Variants in KLKB1 observed in about 807,000 individuals in gnomAD.
KLKB1 encodes kallikrein B1.
KLKB1 carries 58 observed loss-of-function variants against 73.6 expected under a neutral mutation model. That is an observed-to-expected ratio of 0.79 (90% CI 0.64 to 0.98). The LOEUF (loss-of-function observed/expected upper bound fraction) is 0.98. KLKB1 is among the 50% of genes least tolerant of loss of function. The pLI, the probability that KLKB1 is intolerant of heterozygous loss-of-function variation, is 0.00. For missense variants in KLKB1, 737 were observed against 763.8 expected, an observed-to-expected ratio of 0.96 and a Z score of 0.41; for synonymous variants, 280 against 258.1, an observed-to-expected ratio of 1.08 and a Z score of -0.81.
intron 14 of KLKB1, among the ~76,000 whole-genome samples, chr4:186,257,777 G>A (rs953474000): frequency 6.7e-6 from 1 of 148,150 alleles, no homozygotes; most frequent in Non-Finnish European, 1.5e-5. Flanking sequence ...GTGTGTGTGT[G>A]TGTCTGGCAA....
chr4:186,238,201 G>C lies in KLKB1; in HGVS notation c.489-55G>C, dbSNP rs1010382729. 8.1e-6 allele frequency: 9 copies of C among 1,108,630 alleles called. No individual in the cohort carries two copies. In the African/African-American group the frequency reaches 1.2e-4, roughly 15 times the overall value. 68.7% of individuals were successfully genotyped at this position (1,108,630 alleles called of 1,614,324 possible). A position where few individuals can be genotyped will look rare whatever the true frequency, so the allele number is the denominator to read the frequency against. On this transcript the variant is annotated intron_variant, in intron 5 of 14. Coordinates refer to ENST00000264690, the MANE Select transcript of KLKB1 (RefSeq NM_000892.5). ...TTTAATACTAACTGTTACCTGCACT[G>C]CTCCCTGCCCCTCAAAGTGCAGAAA... is the stretch of plus-strand genomic sequence containing the variant.
intron 2 of KLKB1, among the ~76,000 whole-genome samples, chr4:186,229,761 G>C (rs1349753574): frequency 6.6e-6 from 1 of 152,154 alleles, no homozygotes; most frequent in East Asian, 1.9e-4. Context: ...TCTGGAAACA[G>C]TGTCCTAATT....
chr4:186,245,226 A>T (rs1416982439), intron 6 of KLKB1, among the ~76,000 whole-genome samples: 1 of 152,196 alleles, frequency 6.6e-6, no homozygotes, highest in Non-Finnish European at 1.5e-5. Context: ...AGGCAAGGGA[A>T]ACAGGCCCTT....
Position 186,252,168 on chromosome 4 carries a change from T to G in KLKB1, c.1296T>G (p.Ala432=), listed in dbSNP as rs148974369. The change falls in exon 11 of 15, where the codon GCT becomes GCG. Residue 432 remains alanine, a synonymous_variant. Transcript: ENST00000264690. Reference sequence around the variant, plus strand: ...TAGGACACCAGTGGGTCCTCACTGCTGCCCACTGCTTTGATGGGTAAGTGT... The same window carrying G: ...TAGGACACCAGTGGGTCCTCACTGCGGCCCACTGCTTTGATGGGTAAGTGT... The part of the protein sequence containing the change: ...SLIGHQWVLT[A]AHCFDGLPLQ... 1.2e-6 allele frequency: 2 copies of G among 1,613,846 alleles called. No individual in the cohort carries two copies. Among genetic ancestry groups the G allele is most frequent in the Non-Finnish European group, 1.7e-6 (2 of 1,180,008 alleles).
chr4:186,245,286 G>A (rs1738269188), intron 6 of KLKB1, among the ~76,000 whole-genome samples: 1 of 152,168 alleles, frequency 6.6e-6, no homozygotes, highest in East Asian at 1.9e-4. Context: ...TTAAGAAGGG[G>A]ATGGATTTAC....
intron 6 of KLKB1, among the ~76,000 whole-genome samples, chr4:186,242,130 T>C (rs538510349): frequency 1.4e-4 from 20 of 146,688 alleles, no homozygotes; most frequent in African/African-American, 5.0e-4. Context: ...TCAAAGGGGG[T>C]TGTTCTCTGG....
At chr4:186,217,997 CATGCTGCCTCTGTAGCAACTTCT>C (rs1359386672) in intron 2 of KLKB1, among the ~76,000 whole-genome samples, 1 of 152,160 alleles carries the variant, frequency 6.6e-6, no homozygotes, top group Non-Finnish European at 1.5e-5. Context: ...CTTTTGAGGC[CATGCTGCCTCTGTAGCAACTTCT>C]TAACTCTGCC....
intron 6 of KLKB1, among the ~76,000 whole-genome samples, chr4:186,239,902 TGTTATA>T (rs11279797): frequency 0.021 from 3,042 of 146,926 alleles, 188 homozygotes; most frequent in African/African-American, 0.074. Context: ...ACGGTGATAC[TGTTATA>T]GTTATAGGTA....
At chr4:186,225,518 G>A (rs549264744), upstream of KLKB1, among the ~76,000 whole-genome samples, 7 of 150,172 alleles carry the variant, frequency 4.7e-5, no homozygotes, top group Admixed American at 1.3e-4. Flanking sequence ...TGCAAGCTCC[G>A]TCTCCTGGGT....
intron 11 of KLKB1, 73 bp from the exon 12 acceptor site, chr4:186,254,515 G>A: frequency 4.9e-6 from 6 of 1,216,960 alleles, no homozygotes; most frequent in South Asian, 1.2e-5. Flanking sequence ...TTGAAAGAGA[G>A]TGATAGGAAA....
rs4253371 is a variant in KLKB1, at chr4:186,249,839, C to T, written c.599-404C>T. 1.8e-3 allele frequency among the ~76,000 whole-genome samples: 271 copies of T among 152,224 alleles called. 1 individual carries two copies. The highest frequency in any genetic ancestry group is 6.3e-3 in the African/African-American group (263 of 41,536). On this transcript the variant is annotated intron_variant, in intron 6 of 14. Coordinates refer to ENST00000264690, the MANE Select transcript of KLKB1 (RefSeq NM_000892.5). ...TCTCCTGTTCTAATTTTAATAGGCA[C>T]AAGGCATTTTTGTTAATCACTTCTT...
chr4:186,232,909 G>A (rs550146686), intron 3 of KLKB1, among the ~76,000 whole-genome samples: 1 of 152,226 alleles, frequency 6.6e-6, no homozygotes, highest in East Asian at 1.9e-4. Flanking sequence ...TGGAAAAATA[G>A]TACTTACGAT....
rs372443824 is a variant in KLKB1, at chr4:186,239,648, G to A, written c.598+1283G>A. ...TGATACTGTTAGAGTTATAGGTACA[G>A]TGATATAGGACAGTGATACTGTTAT... On this transcript the variant is annotated intron_variant, in intron 6 of 14. Coordinates refer to ENST00000264690, the MANE Select transcript of KLKB1 (RefSeq NM_000892.5). Among the ~76,000 whole-genome samples, 81 of 140,198 alleles carry A rather than the reference G, an allele frequency of 5.8e-4. 9 individuals are homozygous for A. The South Asian group carries it at 0.015, about 27-fold the overall frequency. 92.0% of individuals were successfully genotyped at this position (140,198 alleles called of 152,430 possible).
intron 5 of KLKB1, 96 bp from the exon 6 acceptor site, chr4:186,238,160 T>A: frequency 2.5e-6 from 2 of 814,048 alleles, no homozygotes. Flanking sequence ...AGGGTCATTG[T>A]TTTTCCACTG....
At chr4:186,245,289 G>A (rs1738269604) in intron 6 of KLKB1, among the ~76,000 whole-genome samples, 1 of 152,144 alleles carries the variant, frequency 6.6e-6, no homozygotes. Flanking sequence ...AGAAGGGGAT[G>A]GATTTACCCT....
intron 2 of KLKB1, among the ~76,000 whole-genome samples, chr4:186,216,091 T>C (rs1187708706): frequency 1.3e-5 from 2 of 152,236 alleles, no homozygotes; most frequent in Non-Finnish European, 2.9e-5. Flanking sequence ...AACAATCATT[T>C]TCAGTGTCAT....
rs751071483 is a variant in KLKB1 at position 186,232,285 on chromosome 4, A to C, written c.217A>C (p.Lys73Gln). ...LPASSINDME[K>Q]RFGCFLKDSV... ...AGCAAGTTCAATCAATGACATGGAGAAAAGGTAAAAGTTGGTATTTCATTA... is the reference window on the plus strand; with the variant it reads ...AGCAAGTTCAATCAATGACATGGAGCAAAGGTAAAAGTTGGTATTTCATTA... Residue 73 changes from lysine (K) to glutamine (Q), a missense_variant, in exon 3 of 15, where the codon AAA becomes CAA. Physicochemically the swap from Lys to Gln is moderately conservative, Grantham distance 53. Coordinates refer to ENST00000264690, the MANE Select transcript of KLKB1 (RefSeq NM_000892.5). The C allele has an allele frequency of 1.9e-6, 3 of 1,613,754 alleles. No homozygotes were observed. In the East Asian group the frequency reaches 6.7e-5, roughly 36 times the overall value.
intron 14 of KLKB1, 111 bp from the exon 15 acceptor site, chr4:186,257,910 A>C (rs550370344): frequency 1.0e-6 from 1 of 962,250 alleles, no homozygotes. Context: ...ATATGAAAGT[A>C]TCTGTGTGTG....
chr4:186,218,512 T>A (rs993455068), intron 2 of KLKB1, among the ~76,000 whole-genome samples: 3 of 152,214 alleles, frequency 2.0e-5, no homozygotes, highest in African/African-American at 7.2e-5. Context: ...TTTTTATGTA[T>A]CATTTACAAA....
Sources: allele counts gnomAD v4.1 joint callset (sites outside exome capture counted in the v4.1 genomes callset), GRCh38; gene constraint gnomAD v4.1.1; transcripts MANE v1.5; gene names NCBI Gene and HGNC (gene_info 2026-07-23, HGNC 2026-07-21).